The following ZNF525 variants were observed in gnomAD, a reference collection of about 807,000 sequenced individuals.
ZNF525 encodes the protein zinc finger protein 525.
Under a neutral mutation model 37.6 loss-of-function variants are expected in ZNF525, and 33 were observed. That is an observed-to-expected ratio of 0.88 (90% CI 0.67 to 1.17). The LOEUF (loss-of-function observed/expected upper bound fraction) is 1.17. Ranked by LOEUF, ZNF525 falls within the 50% of genes most tolerant of loss-of-function variation. The pLI is 0.00. For synonymous variants in ZNF525, 170 were observed against 182.3 expected (o/e 0.93, Z 0.54); for missense variants, 449 against 543.1 (o/e 0.83, Z 1.72).
At chr19:53,368,227 T>C (rs909990520) in intron 1 of ZNF525, among the ~76,000 whole-genome samples, 22 of 152,092 alleles carry the variant, frequency 1.4e-4, no homozygotes, top group African/African-American at 5.3e-4. Context: ...GCTTGCCAGG[T>C]ATTTGGAGCT....
rs57431960 is a variant in ZNF525, at chr19:53,369,715, CTTTTTTTTTTTTTTTT to C, written c.-67-2486_-67-2471del. ...CAACAGAACCTTGCAAAAGAAGTTT[CTTTTTTTTTTTTTTTT>C]TTTTTTTTTTTTTGAGACGGAGTCT... On this transcript the variant is annotated intron_variant, in intron 1 of 3. Transcript: ENST00000474037. Among the ~76,000 whole-genome samples the C allele has an allele frequency of 5.4e-4, 44 of 81,196 alleles. 1 individual carries two copies. Among genetic ancestry groups the C allele is most frequent in the African/African-American group, 1.5e-3 (24 of 15,742 alleles). 53.3% of individuals were successfully genotyped at this position (81,196 alleles called of 152,430 possible).
chr19:53,369,857 T>C (rs1390970570), intron 1 of ZNF525, among the ~76,000 whole-genome samples: 2 of 126,090 alleles, frequency 1.6e-5, no homozygotes, highest in South Asian at 2.5e-4. Context: ...CCCCAGTAGC[T>C]GGGACTACAG....
At chr19:53,366,089 T>C (rs1460942974) in intron 1 of ZNF525, among the ~76,000 whole-genome samples, 1 of 152,104 alleles carries the variant, frequency 6.6e-6, no homozygotes, top group Non-Finnish European at 1.5e-5. Context: ...CCTGGGCGCC[T>C]CCCAGCCTCG....
intron 3 of ZNF525, 88 bp downstream of exon 3, chr19:53,375,984 G>C: frequency 1.3e-6 from 2 of 1,580,572 alleles, no homozygotes; most frequent in Non-Finnish European, 1.7e-6. Context: ...CTCTCTCTCT[G>C]TCCCCAAGGG....
chr19:53,366,186 A>C, intron 1 of ZNF525, among the ~76,000 whole-genome samples: 2 of 129,652 alleles, frequency 1.5e-5, no homozygotes, highest in Admixed American at 8.4e-5. Flanking sequence ...TACAAACCCC[A>C]CCCTTGTCTT....
In ZNF525 at chr19:53,386,169, A is replaced by AT; in HGVS notation, c.*4152dup. 2.0e-6 allele frequency: 1 copy of AT among 493,512 alleles called. No individual in the cohort carries two copies. 30.6% of individuals were successfully genotyped at this position (493,512 alleles called of 1,614,324 possible). A position where few individuals can be genotyped will look rare whatever the true frequency, so the allele number is the denominator to read the frequency against. On this transcript the variant is annotated 3_prime_UTR_variant, in exon 4 of 4. Coordinates refer to ENST00000474037, the MANE Select transcript of ZNF525 (RefSeq NM_001348156.2). ...AAAACTCCATCTCAAAAAAAAAAAA[A>AT]TTGTCAAGTTCCTTCTCTTCCATTC...
chr19:53,366,410 T>C (rs2085444784), intron 1 of ZNF525, among the ~76,000 whole-genome samples: 1 of 151,460 alleles, frequency 6.6e-6, no homozygotes, highest in African/African-American at 2.4e-5. Flanking sequence ...CCTGTGATTG[T>C]GTGGGCCAAA....
In ZNF525 at chr19:53,383,362, C is replaced by A. The variant is rs1014676473; in HGVS notation, c.*1343C>A. 2 of 1,204,098 alleles carry A rather than the reference C, an allele frequency of 1.7e-6. No individual in the cohort carries two copies. The highest frequency in any genetic ancestry group is 1.5e-5 in the African/African-American group (1 of 65,682). The allele number at this position is 1,204,098 out of a possible 1,614,324, so 74.6% of individuals were successfully genotyped here. A position where few individuals can be genotyped will look rare whatever the true frequency, so the allele number is the denominator to read the frequency against. On this transcript the variant is annotated 3_prime_UTR_variant, in exon 4 of 4. Coordinates refer to ENST00000474037, the MANE Select transcript of ZNF525 (RefSeq NM_001348156.2). ...GTTTTCAATCAACAAGCACACGTTG[C>A]ACGTCATCATAGAATTCATACTGGA...
chr19:53,383,261 T>C lies in ZNF525; in HGVS notation c.*1242T>C. On this transcript the variant is annotated 3_prime_UTR_variant, in exon 4 of 4. Coordinates refer to ENST00000474037, the MANE Select transcript of ZNF525 (RefSeq NM_001348156.2). ...CAAGTGTAATGAGTGTGGCAAAACCTTCCATCACAATTCAGTCCTTGTAAT... is the reference window on the plus strand; with the variant it reads ...CAAGTGTAATGAGTGTGGCAAAACCCTCCATCACAATTCAGTCCTTGTAAT... 1 of 1,428,588 alleles carries C rather than the reference T, an allele frequency of 7.0e-7. No homozygotes were observed. Among genetic ancestry groups the C allele is most frequent in the South Asian group, 1.1e-5 (1 of 87,954 alleles). 88.5% of individuals were successfully genotyped at this position (1,428,588 alleles called of 1,614,324 possible). A position where few individuals can be genotyped will look rare whatever the true frequency, so the allele number is the denominator to read the frequency against.
chr19:53,370,952 C>T (rs923584667), intron 1 of ZNF525, among the ~76,000 whole-genome samples: 1 of 152,208 alleles, frequency 6.6e-6, no homozygotes, highest in Non-Finnish European at 1.5e-5. Flanking sequence ...CTCATGACTC[C>T]CTTTGCCCCA....
At chr19:53,374,495 G>A (rs1303418912) in intron 2 of ZNF525, among the ~76,000 whole-genome samples, 2 of 152,182 alleles carry the variant, frequency 1.3e-5, no homozygotes, top group African/African-American at 4.8e-5. Flanking sequence ...TCCAGGTCAG[G>A]CAGTTGAAAG....
chr19:53,366,629 C>A (rs1056440788), intron 1 of ZNF525, among the ~76,000 whole-genome samples: 26 of 149,726 alleles, frequency 1.7e-4, no homozygotes, highest in African/African-American at 6.0e-4. Context: ...TGAAGGACAG[C>A]AAGGTAGGGA....
intron 2 of ZNF525, among the ~76,000 whole-genome samples, chr19:53,372,911 C>T (rs2085497332): frequency 6.6e-6 from 1 of 152,062 alleles, no homozygotes; most frequent in Non-Finnish European, 1.5e-5. Context: ...AATCCATTTG[C>T]AGCATATTAA....
In ZNF525 at chr19:53,381,613, A is replaced by G. The variant is rs1210248603; in HGVS notation, c.1034A>G (p.His345Arg). The G allele has an allele frequency of 4.5e-6, 5 of 1,103,644 alleles. No homozygotes were observed. The highest frequency in any genetic ancestry group is 3.1e-5 in the African/African-American group (2 of 65,460). The allele number at this position is 1,103,644 out of a possible 1,614,324, so 68.4% of individuals were successfully genotyped here. The stretch of plus-strand genomic sequence containing the variant: ...AGTCAGAAGTCATACCTTGCATGCC[A>G]TCGTAGCATTCATACTGGAAAGAAA... ...TFSQKSYLAC[H>R]RSIHTGKKPY... The change falls in exon 4 of 4, where the codon CAT becomes CGT. Residue 345 changes from histidine (H) to arginine (R), a missense_variant. Around this residue, in one of 2 missense-constraint regions of ZNF525, gnomAD observed 178 missense variants for 161.5 expected, o/e 1.10. Transcript: ENST00000474037.
rs2085573081 is a variant in ZNF525, at chr19:53,382,394, AC to A, written c.*377del. On this transcript the variant is annotated 3_prime_UTR_variant, in exon 4 of 4. Transcript: ENST00000474037. ...ATAGGAGAATTCATAATGGAGAGAA[AC>A]CGTACAAGTGTAATGAGTGTGGCAA... 9.6e-7 allele frequency: 1 copy of A among 1,044,788 alleles called. No individual in the cohort carries two copies. Among genetic ancestry groups the A allele is most frequent in the African/African-American group, 1.6e-5 (1 of 64,174 alleles). The allele number at this position is 1,044,788 out of a possible 1,614,324, so 64.7% of individuals were successfully genotyped here. A position where few individuals can be genotyped will look rare whatever the true frequency, so the allele number is the denominator to read the frequency against.
At chr19:53,368,924 C>T (rs1318785155) in intron 1 of ZNF525, among the ~76,000 whole-genome samples, 1 of 152,022 alleles carries the variant, frequency 6.6e-6, no homozygotes, top group Non-Finnish European at 1.5e-5. Flanking sequence ...TGGGGTGCCA[C>T]GATATGCAAT....
Position 53,383,604 on chromosome 19 carries a change from C to G in ZNF525, c.*1585C>G. ...TGTGTCAAAGCCTTTAGTGGGCAGT[C>G]AACACTTATTCACCATCAGGCAATC... On this transcript the variant is annotated 3_prime_UTR_variant, in exon 4 of 4. Coordinates refer to ENST00000474037, the MANE Select transcript of ZNF525 (RefSeq NM_001348156.2). The G allele has an allele frequency of 7.0e-7, 1 of 1,422,670 alleles. No individual in the cohort carries two copies. Among genetic ancestry groups the G allele is most frequent in the South Asian group, 1.3e-5 (1 of 78,460 alleles). The allele number at this position is 1,422,670 out of a possible 1,614,324, so 88.1% of individuals were successfully genotyped here. A position where few individuals can be genotyped will look rare whatever the true frequency, so the allele number is the denominator to read the frequency against.
chr19:53,373,575 G>A (rs551374268), intron 2 of ZNF525, among the ~76,000 whole-genome samples: 20 of 152,124 alleles, frequency 1.3e-4, no homozygotes, highest in African/African-American at 4.3e-4. Flanking sequence ...CTGTCAGTTC[G>A]GTGTCAGGTG....
Position 53,383,979 on chromosome 19 carries a change from CT to C in ZNF525, c.*1962del. Reference sequence around the variant, plus strand: ...CAGAGAATCCATACTGGACAGAAATCTTACAAATGTCATCAGTGTGGCAAGG... The same window carrying C: ...CAGAGAATCCATACTGGACAGAAATCTACAAATGTCATCAGTGTGGCAAGG... On this transcript the variant is annotated 3_prime_UTR_variant, in exon 4 of 4. Coordinates refer to ENST00000474037, the MANE Select transcript of ZNF525 (RefSeq NM_001348156.2). The C allele has an allele frequency of 1.3e-6, 1 of 793,976 alleles. No individual in the cohort carries two copies. The highest frequency in any genetic ancestry group is 2.1e-6 in the Non-Finnish European group (1 of 479,978). 49.2% of individuals were successfully genotyped at this position (793,976 alleles called of 1,614,324 possible). A position where few individuals can be genotyped will look rare whatever the true frequency, so the allele number is the denominator to read the frequency against.
Sources: gnomAD v4.1 joint callset for allele counts (sites outside exome capture counted in the v4.1 genomes callset) on GRCh38, gnomAD v4.1.1 for gene constraint, gnomAD v4.1.1 regional missense constraint, MANE v1.5 for transcripts, NCBI Gene and HGNC (gene_info 2026-07-23, HGNC 2026-07-21) for gene names.